HSF2: variants seen among roughly 807,000 people sequenced by gnomAD.
HSF2 encodes the protein heat shock transcription factor 2.
In HSF2, 21 loss-of-function variants were observed where a neutral mutation model predicts 65.0. The observed-to-expected ratio is 0.32, with a 90% CI of 0.23 to 0.47. The LOEUF (loss-of-function observed/expected upper bound fraction) is 0.47. Ranked by LOEUF, HSF2 falls within the 20% of genes least tolerant of loss-of-function variation. HSF2 has a pLI of 1.00. For missense variants in HSF2, 499 were observed against 628.1 expected (o/e 0.79, Z 2.20); for synonymous variants, 225 against 219.1 (o/e 1.03, Z -0.24).
intron 11 of HSF2, among the ~76,000 whole-genome samples, chr6:122,428,916 A>T (rs1774397647): frequency 6.6e-6 from 1 of 152,112 alleles, no homozygotes; most frequent in Admixed American, 6.6e-5. Flanking sequence ...CAGATAATTT[A>T]TATTGGAGGT....
chr6:122,407,152 G>A (rs1029281602), intron 1 of HSF2, among the ~76,000 whole-genome samples: 1 of 152,194 alleles, frequency 6.6e-6, no homozygotes, highest in Admixed American at 6.5e-5. Context: ...GGAAAATCAA[G>A]GGAGTGAACC....
chr6:122,407,948 G>T (rs956775253), intron 1 of HSF2, among the ~76,000 whole-genome samples: 1 of 139,224 alleles, frequency 7.2e-6, no homozygotes, highest in East Asian at 2.2e-4. Flanking sequence ...TTCTCTCTGT[G>T]TCTTCCCAAT....
intron 1 of HSF2, among the ~76,000 whole-genome samples, chr6:122,410,858 A>G (rs1282177269): frequency 6.6e-6 from 1 of 151,634 alleles, no homozygotes; most frequent in East Asian, 1.9e-4. Flanking sequence ...CTGTTGTGAA[A>G]AATGCTACTG....
upstream of HSF2, chr6:122,399,569 G>A (rs1773660388): frequency 3.4e-6 from 2 of 581,254 alleles, no homozygotes; most frequent in Non-Finnish European, 6.0e-6. Context: ...GTCACGTGCG[G>A]CCGCCCGGCC....
chr6:122,430,169 T>C (rs888330760), intron 11 of HSF2, among the ~76,000 whole-genome samples: 1 of 152,186 alleles, frequency 6.6e-6, no homozygotes, highest in Non-Finnish European at 1.5e-5. Flanking sequence ...TATTAATTAC[T>C]GCCTCAATTT....
At chr6:122,426,943 T>C (rs1353190244) in intron 10 of HSF2, among the ~76,000 whole-genome samples, 1 of 152,090 alleles carries the variant, frequency 6.6e-6, no homozygotes, top group African/African-American at 2.4e-5. Context: ...CCTACCTTCT[T>C]TGTTGATGCC....
At chr6:122,407,921 C>A (rs911973578) in intron 1 of HSF2, among the ~76,000 whole-genome samples, 5 of 151,800 alleles carry the variant, frequency 3.3e-5, no homozygotes, top group African/African-American at 1.2e-4. Context: ...GCTTTCTCTG[C>A]TTTGCAGACA....
At chr6:122,419,884 T>C (rs1420755123) in intron 6 of HSF2, among the ~76,000 whole-genome samples, 1 of 152,180 alleles carries the variant, frequency 6.6e-6, no homozygotes, top group African/African-American at 2.4e-5. Context: ...AGCAATGAAG[T>C]ATAACTGGAG....
At chr6:122,411,458 A>G (rs1374169939) in intron 1 of HSF2, among the ~76,000 whole-genome samples, 3 of 151,528 alleles carry the variant, frequency 2.0e-5, no homozygotes, top group Admixed American at 2.0e-4. Flanking sequence ...ATGTAGTTCC[A>G]TTTGTCTATT....
chr6:122,427,876 TATC>T (rs1392070637), intron 10 of HSF2, 24 bp from the exon 11 acceptor site: 1 of 1,548,982 alleles, frequency 6.5e-7, no homozygotes, highest in Non-Finnish European at 8.9e-7. Flanking sequence ...TTTTTAAACT[TATC>T]ATCTTTCTTG....
chr6:122,399,757 T>C lies in HSF2; in HGVS notation c.20T>C (p.Val7Ala). Residue 7 changes from valine to alanine, a missense_variant, in exon 1 of 13, where the codon GTG becomes GCG. By Grantham distance (64) the Val-to-Ala change is moderately conservative. Transcript: ENST00000368455. Reference sequence around the variant, plus strand: ...TTAACAATGAAGCAGAGTTCGAACGTGCCGGCTTTCCTCAGCAAGCTGTGG... The same window carrying C: ...TTAACAATGAAGCAGAGTTCGAACGCGCCGGCTTTCCTCAGCAAGCTGTGG... MKQSSN[V>A]PAFLSKLWTL... is the part of the protein sequence containing the mutation. The C allele has an allele frequency of 6.2e-7, 1 of 1,612,340 alleles. No individual in the cohort carries two copies. The highest frequency in any genetic ancestry group is 1.1e-5 in the South Asian group (1 of 90,836).
chr6:122,431,380 G>T lies in HSF2; in HGVS notation c.1231-50G>T. On this transcript the variant is annotated intron_variant, in intron 11 of 12. Coordinates refer to ENST00000368455, the MANE Select transcript of HSF2 (RefSeq NM_004506.4). ...TTGTATCAATTTTTCATTTTTTTCA[G>T]AAACATAAAATATGAAACAAGTACT... is the stretch of plus-strand genomic sequence containing the variant. 5 of 901,860 alleles carry T rather than the reference G, an allele frequency of 5.5e-6. No individual in the cohort carries two copies. The South Asian group carries it at 7.9e-5, about 14-fold the overall frequency. 55.9% of individuals were successfully genotyped at this position (901,860 alleles called of 1,614,324 possible). A position where few individuals can be genotyped will look rare whatever the true frequency, so the allele number is the denominator to read the frequency against.
chr6:122,400,680 A>G (rs1292532066), intron 1 of HSF2, among the ~76,000 whole-genome samples: 1 of 152,248 alleles, frequency 6.6e-6, no homozygotes, highest in African/African-American at 2.4e-5. Context: ...TAGGTGACCC[A>G]AGACCTATAT....
chr6:122,407,677 T>C (rs1422746118), intron 1 of HSF2, among the ~76,000 whole-genome samples: 1 of 152,204 alleles, frequency 6.6e-6, no homozygotes, highest in East Asian at 1.9e-4. Context: ...TTTGTGGCTT[T>C]TTACATTTTA....
At chr6:122,429,515 G>A (rs563281148) in intron 11 of HSF2, among the ~76,000 whole-genome samples, 65 of 152,132 alleles carry the variant, frequency 4.3e-4, no homozygotes, top group Non-Finnish European at 6.5e-4. Flanking sequence ...ACATAACATG[G>A]ATTACAACAC....
chr6:122,422,659 T>A, intron 8 of HSF2, 59 bp from the exon 9 acceptor site: 2 of 1,545,508 alleles, frequency 1.3e-6, no homozygotes, highest in South Asian at 2.3e-5. Context: ...AATGAATGGA[T>A]AGTATGAACT....
Position 122,416,301 on chromosome 6 carries a change from G to C in HSF2, c.531+5G>C, listed in dbSNP as rs1272014047. 6.2e-7 allele frequency: 1 copy of C among 1,602,696 alleles called. No homozygotes were observed. The highest frequency in any genetic ancestry group is 2.2e-5 in the East Asian group (1 of 44,762). ...CAGCAACAAGTTATTCGAAAGGTAA[G>C]AAGCTCTTTTCCCCAGGACCATAAT... On this transcript the variant is annotated splice_donor_5th_base_variant and intron_variant, in intron 5 of 12. Transcript: ENST00000368455.
chr6:122,431,726 C>T (rs1774474502), intron 12 of HSF2, among the ~76,000 whole-genome samples, 199 bp from the exon 13 acceptor site: 2 of 151,002 alleles, frequency 1.3e-5, no homozygotes, highest in Non-Finnish European at 1.5e-5. Context: ...AACTAAAGAC[C>T]CCTCATTTCT....
intron 7 of HSF2, among the ~76,000 whole-genome samples, chr6:122,421,509 C>T (rs1190537581): frequency 6.9e-6 from 1 of 145,444 alleles, no homozygotes; most frequent in African/African-American, 2.6e-5. Flanking sequence ...TCCTTTGCCT[C>T]TTTATTATCT....
Sources: allele counts gnomAD v4.1 joint callset (sites outside exome capture counted in the v4.1 genomes callset), GRCh38; gene constraint gnomAD v4.1.1; transcripts MANE v1.5; gene names NCBI Gene and HGNC (gene_info 2026-07-23, HGNC 2026-07-21).